SCEL: variants seen among roughly 807,000 people sequenced by gnomAD.
The protein encoded by SCEL is sciellin.
In SCEL, 113 loss-of-function variants were observed where a neutral mutation model predicts 117.6. The ratio of observed to expected loss-of-function variants is 0.96; its 90% CI spans 0.83 to 1.12. The LOEUF (loss-of-function observed/expected upper bound fraction) is 1.12. SCEL is among the 50% of genes most tolerant of loss of function. SCEL has a pLI of 0.00. For synonymous variants in SCEL, 270 were observed against 256.2 expected, an observed-to-expected ratio of 1.05 and a Z score of -0.51; for missense variants, 785 against 810.8, an observed-to-expected ratio of 0.97 and a Z score of 0.39.
At position 77,543,307 on chromosome 13, in the gene SCEL, T is replaced by A. The variant is rs559703054; in HGVS notation, c.-20+7483T>A. ...ACCGTTTTAGCCGGGATGGTCTCGA[T>A]CTCCTGACCTCGTGATCCGCCCGCC... On this transcript the variant is annotated intron_variant, in intron 1 of 32. Transcript: ENST00000349847. Among the ~76,000 whole-genome samples the A allele has an allele frequency of 1.6e-4, 25 of 151,918 alleles. 1 individual carries two copies. The South Asian group carries it at 4.8e-3, about 29-fold the overall frequency.
intron 11 of SCEL, among the ~76,000 whole-genome samples, chr13:77,593,295 T>TGTGTGCGCGCTCGC (rs796907419): frequency 7.3e-6 from 1 of 136,784 alleles, no homozygotes; most frequent in Admixed American, 7.1e-5. Context: ...TGTGTGTGTG[T>TGTGTGCGCGCTCGC]GTCTGTGTGT....
chr13:77,612,090 A>C (rs1227284963), intron 22 of SCEL, among the ~76,000 whole-genome samples: 1 of 152,170 alleles, frequency 6.6e-6, no homozygotes, highest in Non-Finnish European at 1.5e-5. Flanking sequence ...TGATAAAATG[A>C]ACCTATAGAT....
At chr13:77,602,015 G>A in intron 15 of SCEL, 50 bp from the exon 16 acceptor site, 1 of 1,457,114 alleles carries the variant, frequency 6.9e-7, no homozygotes, top group Non-Finnish European at 9.4e-7. Flanking sequence ...TCACTGAGTT[G>A]CTCTTGCCTC....
intron 12 of SCEL, among the ~76,000 whole-genome samples, chr13:77,595,330 C>T (rs112389551): frequency 1.3e-5 from 2 of 152,066 alleles, no homozygotes; most frequent in Admixed American, 6.6e-5. Flanking sequence ...TTTAGTTATC[C>T]GAGCTGCTCT....
intron 27 of SCEL, 152 bp from the exon 28 acceptor site, chr13:77,627,795 A>T (rs1266414576): frequency 3.8e-6 from 1 of 266,546 alleles, no homozygotes; most frequent in African/African-American, 2.2e-5. Flanking sequence ...TATGGATCAA[A>T]TAGCTCAATG....
intron 1 of SCEL, among the ~76,000 whole-genome samples, chr13:77,555,017 T>C (rs941815290): frequency 6.6e-6 from 1 of 152,184 alleles, no homozygotes; most frequent in African/African-American, 2.4e-5. Context: ...AATTTTAATT[T>C]CTTTCAATCA....
At chr13:77,548,935 AC>A (rs1408077890) in intron 1 of SCEL, among the ~76,000 whole-genome samples, 1 of 151,962 alleles carries the variant, frequency 6.6e-6, no homozygotes, top group African/African-American at 2.4e-5. Flanking sequence ...GTGCATATAT[AC>A]CCTTTTTTCT....
intron 9 of SCEL, among the ~76,000 whole-genome samples, chr13:77,573,671 ATCTATCTATCTG>A (rs1240039302): frequency 3.1e-4 from 46 of 149,606 alleles, no homozygotes; most frequent in Admixed American, 1.8e-3. Context: ...CTATCTATCT[ATCTATCTATCTG>A]TCTATCTATC....
intron 24 of SCEL, among the ~76,000 whole-genome samples, chr13:77,615,980 T>C (rs2088990408): frequency 6.6e-6 from 1 of 150,714 alleles, no homozygotes; most frequent in Non-Finnish European, 1.5e-5. Flanking sequence ...AGTAAGAATA[T>C]TATTTCATAA....
chr13:77,602,056 G>A lies in SCEL; in HGVS notation c.918-9G>A, dbSNP rs1261641895. Reference sequence around the variant, plus strand: ...CTCTTTCTCTTTCTTTTCCCCCAATGTTGTAAAGAATCCAAAGCCTTGGAA... The same window carrying A: ...CTCTTTCTCTTTCTTTTCCCCCAATATTGTAAAGAATCCAAAGCCTTGGAA... On this transcript the variant is annotated splice_polypyrimidine_tract_variant and intron_variant, in intron 15 of 32. Coordinates refer to ENST00000349847, the MANE Select transcript of SCEL (RefSeq NM_144777.3). 5 of 1,605,446 alleles carry A rather than the reference G, an allele frequency of 3.1e-6. No individual in the cohort carries two copies. The highest frequency in any genetic ancestry group is 4.2e-6 in the Non-Finnish European group (5 of 1,176,876).
intron 24 of SCEL, among the ~76,000 whole-genome samples, chr13:77,615,627 G>GA (rs1487043405): frequency 2.0e-5 from 3 of 151,842 alleles, no homozygotes; most frequent in Non-Finnish European, 4.4e-5. Context: ...TAACTTGAGA[G>GA]AAAAAATGTT....
At chr13:77,573,396 C>T (rs1442630862) in intron 9 of SCEL, among the ~76,000 whole-genome samples, 1 of 152,128 alleles carries the variant, frequency 6.6e-6, no homozygotes, top group Non-Finnish European at 1.5e-5. Context: ...TTTTCTAATT[C>T]TGACTATTGG....
chr13:77,575,182 C>G (rs547157734), intron 9 of SCEL, among the ~76,000 whole-genome samples: 5 of 152,102 alleles, frequency 3.3e-5, no homozygotes, highest in African/African-American at 1.2e-4. Context: ...AGATTAAAAA[C>G]TTGTGTTGTA....
intron 22 of SCEL, 61 bp downstream of exon 22, chr13:77,610,167 A>G: frequency 7.9e-7 from 1 of 1,258,974 alleles, no homozygotes; most frequent in Non-Finnish European, 1.1e-6. Context: ...GCTTAAAAAC[A>G]TGACAAATTG....
chr13:77,578,611 C>T (rs1259011367), intron 9 of SCEL, among the ~76,000 whole-genome samples: 1 of 152,028 alleles, frequency 6.6e-6, no homozygotes, highest in African/African-American at 2.4e-5. Context: ...AGATCAGGTC[C>T]CCAAAGGGAT....
At chr13:77,545,055 A>G (rs1431076543) in intron 1 of SCEL, among the ~76,000 whole-genome samples, 1 of 152,254 alleles carries the variant, frequency 6.6e-6, no homozygotes, top group Non-Finnish European at 1.5e-5. Context: ...AGTGCTTCAT[A>G]GGTAAAGGTT....
intron 8 of SCEL, 87 bp from the exon 9 acceptor site, chr13:77,572,037 T>C (rs2085663231): frequency 9.0e-7 from 1 of 1,107,828 alleles, no homozygotes. Flanking sequence ...AATCTCATTG[T>C]CTTTTTAACT....
At chr13:77,580,870 C>T (rs908445817) in intron 9 of SCEL, among the ~76,000 whole-genome samples, 2 of 152,020 alleles carry the variant, frequency 1.3e-5, no homozygotes, top group Non-Finnish European at 2.9e-5. Context: ...TTTGTTTTGA[C>T]CTCTTCTCCT....
At chr13:77,606,128 G>T (rs141628554) in intron 19 of SCEL, among the ~76,000 whole-genome samples, 4 of 152,298 alleles carry the variant, frequency 2.6e-5, no homozygotes, top group Non-Finnish European at 5.9e-5. Flanking sequence ...ATGTCTACAT[G>T]TATGTGTCTA....
Sources: gnomAD v4.1 joint callset for allele counts (sites outside exome capture counted in the v4.1 genomes callset) on GRCh38, gnomAD v4.1.1 for gene constraint, MANE v1.5 for transcripts, NCBI Gene and HGNC (gene_info 2026-07-23, HGNC 2026-07-21) for gene names.